P3H2: variants seen among roughly 807,000 people sequenced by gnomAD.
P3H2 encodes prolyl 3-hydroxylase 2, also known as leprecan-like 1.
In P3H2, 80 loss-of-function variants were observed where a neutral mutation model predicts 87.0. The ratio of observed to expected loss-of-function variants is 0.92; its 90% CI spans 0.77 to 1.11. P3H2 has a LOEUF of 1.11. Among genes scored for constraint, P3H2 ranks in the 50% least tolerant of loss-of-function variants. The probability of loss-of-function intolerance (pLI) is 0.00; values close to 1 mark genes in which losing one functional copy is unlikely to be tolerated. For missense variants in P3H2, 1,001 were observed against 923.9 expected (o/e 1.08, Z -1.08); for synonymous variants, 367 against 359.3 (o/e 1.02, Z -0.24).
chr3:190,045,683 T>A (rs1725776642), intron 1 of P3H2, among the ~76,000 whole-genome samples: 1 of 151,912 alleles, frequency 6.6e-6, no homozygotes, highest in African/African-American at 2.4e-5. Context: ...TAAGACAGAG[T>A]ATTTTAGATA....
At chr3:189,962,463 C>A (rs1437773642) in intron 14 of P3H2, among the ~76,000 whole-genome samples, 1 of 152,242 alleles carries the variant, frequency 6.6e-6, no homozygotes, top group East Asian at 1.9e-4. Flanking sequence ...GCGTGAGCCA[C>A]CACGCCCAGC....
chr3:190,046,469 A>G (rs1292507149), intron 1 of P3H2, among the ~76,000 whole-genome samples: 4 of 152,188 alleles, frequency 2.6e-5, no homozygotes, highest in African/African-American at 7.2e-5. Flanking sequence ...GTTCTGGCCA[A>G]ATGAAGTAAT....
At chr3:189,964,193 G>T (rs779551110) in intron 13 of P3H2, 95 bp from the exon 14 acceptor site, 3 of 1,156,878 alleles carry the variant, frequency 2.6e-6, no homozygotes, top group Non-Finnish European at 2.6e-6. Context: ...TTGAGTTAAG[G>T]CCTGAGGCGA....
chr3:190,066,251 AATATAT>A (rs972411536), intron 1 of P3H2, among the ~76,000 whole-genome samples: 4 of 151,268 alleles, frequency 2.6e-5, no homozygotes, highest in African/African-American at 9.7e-5. Flanking sequence ...TATATGATGG[AATATAT>A]ATATATGTGG....
At chr3:189,979,327 C>G (rs1056217057) in intron 8 of P3H2, among the ~76,000 whole-genome samples, 1 of 151,950 alleles carries the variant, frequency 6.6e-6, no homozygotes, top group African/African-American at 2.4e-5. Flanking sequence ...ACTTGGGAGG[C>G]TGAGGCAGGA....
At position 190,021,277 on chromosome 3, in the gene P3H2, C is replaced by A. The variant is rs1449679881; in HGVS notation, c.481-25835G>T. On this transcript the variant is annotated intron_variant, in intron 1 of 14. Coordinates refer to ENST00000319332, the MANE Select transcript of P3H2 (RefSeq NM_018192.4). Reference sequence around the variant, plus strand: ...AGTCTGGTGGAGAAATGAGCACAATCAGTGGTTCCCTTTCTTATGCATCAA... The same window carrying A: ...AGTCTGGTGGAGAAATGAGCACAATAAGTGGTTCCCTTTCTTATGCATCAA... 1.5e-5 allele frequency among the ~76,000 whole-genome samples: 2 copies of A among 135,182 alleles called. 1 individual carries two copies. Among genetic ancestry groups the A allele is most frequent in the Non-Finnish European group, 3.3e-5 (2 of 60,528 alleles). The allele number at this position is 135,182 out of a possible 152,430, so 88.7% of individuals were successfully genotyped here.
At chr3:189,969,580 A>G (rs1723108826) in intron 13 of P3H2, 5 of 1,286,784 alleles carry the variant, frequency 3.9e-6, no homozygotes, top group Middle Eastern at 1.8e-4. Flanking sequence ...AGGAGCCACA[A>G]GCTGTGGTCC....
intron 1 of P3H2, among the ~76,000 whole-genome samples, chr3:190,052,159 G>T (rs1366807334): frequency 6.6e-6 from 1 of 152,120 alleles, no homozygotes; most frequent in Non-Finnish European, 1.5e-5. Flanking sequence ...TGCCGTGGTG[G>T]TTTGCTACAC....
chr3:190,097,682 G>C (rs1315449166), intron 1 of P3H2, among the ~76,000 whole-genome samples: 1 of 151,410 alleles, frequency 6.6e-6, no homozygotes, highest in Non-Finnish European at 1.5e-5. Context: ...ATAATCTTTG[G>C]CAGTGGATAT....
intron 1 of P3H2, among the ~76,000 whole-genome samples, chr3:190,108,452 A>T (rs1477379228): frequency 6.6e-6 from 1 of 152,176 alleles, no homozygotes; most frequent in African/African-American, 2.4e-5. Flanking sequence ...AGATAGAAAA[A>T]CACTGATTTA....
intron 1 of P3H2, among the ~76,000 whole-genome samples, chr3:190,102,551 T>C (rs1325550093): frequency 6.6e-6 from 1 of 152,214 alleles, no homozygotes; most frequent in African/African-American, 2.4e-5. Flanking sequence ...AGTTAATTAC[T>C]GAAATCTTAT....
At chr3:190,110,231 T>C (rs1455169175) in intron 1 of P3H2, among the ~76,000 whole-genome samples, 1 of 152,174 alleles carries the variant, frequency 6.6e-6, no homozygotes, top group Non-Finnish European at 1.5e-5. Context: ...CATTTTGCAA[T>C]ATATGGAGAC....
At chr3:190,063,499 T>C (rs2108968096) in intron 1 of P3H2, among the ~76,000 whole-genome samples, 1 of 152,306 alleles carries the variant, frequency 6.6e-6, no homozygotes, top group Non-Finnish European at 1.5e-5. Flanking sequence ...TTTTTAAAAA[T>C]CATACCTGCA....
chr3:190,086,187 CT>C (rs1386482318), intron 1 of P3H2, among the ~76,000 whole-genome samples: 1 of 152,110 alleles, frequency 6.6e-6, no homozygotes, highest in Non-Finnish European at 1.5e-5. Flanking sequence ...GACTCACTGT[CT>C]TTTTTTATTC....
chr3:190,019,785 A>AAAAAAT lies in P3H2; in HGVS notation c.481-24344_481-24343insATTTTT, dbSNP rs1219688564. On this transcript the variant is annotated intron_variant, in intron 1 of 14. Coordinates refer to ENST00000319332, the MANE Select transcript of P3H2 (RefSeq NM_018192.4). ...ATGTGACATTACCTAGAAATTAAAA[A>AAAAAAT]ATATATATATATATATATATATATA... 7.6e-3 allele frequency among the ~76,000 whole-genome samples: 284 copies of AAAAAAT among 37,348 alleles called. 8 individuals are homozygous for AAAAAAT. The highest frequency in any genetic ancestry group is 0.018 in the African/African-American group (271 of 15,044). The allele number at this position is 37,348 out of a possible 152,430, so 24.5% of individuals were successfully genotyped here.
chr3:189,979,133 C>CA (rs958648973), intron 8 of P3H2, among the ~76,000 whole-genome samples: 9 of 151,836 alleles, frequency 5.9e-5, no homozygotes, highest in African/African-American at 2.2e-4. Context: ...GTTAAAAAAA[C>CA]AAAAAAAGGG....
intron 1 of P3H2, among the ~76,000 whole-genome samples, chr3:190,049,874 A>G (rs1163441318): frequency 6.6e-6 from 1 of 152,176 alleles, no homozygotes; most frequent in Admixed American, 6.5e-5. Context: ...GAGGGGCTTA[A>G]ATAAATTGGG....
At position 189,983,158 on chromosome 3, in the gene P3H2, T is replaced by G. The variant is rs749688445; in HGVS notation, c.1230-18A>C. On this transcript the variant is annotated intron_variant, in intron 7 of 14. Coordinates refer to ENST00000319332, the MANE Select transcript of P3H2 (RefSeq NM_018192.4). Reference sequence around the variant, plus strand: ...AAGGGACCCTGCCCATTCAAAAAATTTAAAATGGCAATTTGTCATTGAATA... The same window carrying G: ...AAGGGACCCTGCCCATTCAAAAAATGTAAAATGGCAATTTGTCATTGAATA... 1 of 1,585,268 alleles carries G rather than the reference T, an allele frequency of 6.3e-7. No individual in the cohort carries two copies. Among genetic ancestry groups the G allele is most frequent in the Non-Finnish European group, 8.7e-7 (1 of 1,154,224 alleles).
intron 1 of P3H2, among the ~76,000 whole-genome samples, chr3:190,008,205 A>G (rs550501048): frequency 1.4e-4 from 21 of 151,920 alleles, no homozygotes; most frequent in Non-Finnish European, 2.6e-4. Flanking sequence ...TTTAATTCCA[A>G]AGTTAATAAT....
Sources: allele counts gnomAD v4.1 joint callset (sites outside exome capture counted in the v4.1 genomes callset), GRCh38; gene constraint gnomAD v4.1.1; transcripts MANE v1.5; gene names NCBI Gene and HGNC (gene_info 2026-07-23, HGNC 2026-07-21).